Variants in ANXA6 observed in about 807,000 individuals in gnomAD.
ANXA6 encodes annexin A6.
ANXA6 carries 71 observed loss-of-function variants against 95.4 expected under a neutral mutation model. The ratio of observed to expected loss-of-function variants is 0.74; its 90% confidence interval spans 0.61 to 0.91. The LOEUF (loss-of-function observed/expected upper bound fraction) is 0.91. Ranked by LOEUF, ANXA6 falls within the 40% of genes least tolerant of loss-of-function variation. The pLI, the probability that ANXA6 is intolerant of heterozygous loss-of-function variation, is 0.00. For missense variants in ANXA6, 830 were observed against 876.4 expected, an observed-to-expected ratio of 0.95 and a Z score of 0.67; for synonymous variants, 289 against 315.9, an observed-to-expected ratio of 0.91 and a Z score of 0.90.
rs2113885342 is a variant in ANXA6 at position 151,101,514 on chromosome 5, GAGGCAGAGAGCAGA to G, written c.1963-21_1963-8del. 6.4e-7 allele frequency: 1 copy of G among 1,557,926 alleles called. No individual in the cohort carries two copies. The highest frequency in any genetic ancestry group is 1.4e-5 in the African/African-American group (1 of 73,350). The stretch of plus-strand genomic sequence containing the variant: ...AGTCTCCGGAGGTGTCACCCTGGCA[GAGGCAGAGAGCAGA>G]GTGAGTGAAAACAGTCCTTCCAGTC... On this transcript the variant is annotated splice_polypyrimidine_tract_variant and splice_region_variant and intron_variant, in intron 25 of 25. Coordinates refer to ENST00000354546, the MANE Select transcript of ANXA6 (RefSeq NM_001155.5).
intron 15 of ANXA6, among the ~76,000 whole-genome samples, 159 bp from the exon 16 acceptor site, chr5:151,123,170 C>T (rs1765221477): frequency 1.3e-5 from 2 of 152,204 alleles, no homozygotes; most frequent in South Asian, 4.1e-4. Context: ...GCCTATGGCT[C>T]AGGCCACTGA....
At chr5:151,103,347 T>A (rs1375846026) in intron 25 of ANXA6, among the ~76,000 whole-genome samples, 2 of 152,170 alleles carry the variant, frequency 1.3e-5, no homozygotes, top group Non-Finnish European at 2.9e-5. Flanking sequence ...AAGCAAAAAA[T>A]GGGCTCTTGT....
intron 1 of ANXA6, among the ~76,000 whole-genome samples, chr5:151,153,734 A>G (rs1352896233): frequency 6.6e-6 from 1 of 152,196 alleles, no homozygotes; most frequent in Admixed American, 6.5e-5. Flanking sequence ...TAAAGGTCCA[A>G]TTGATTTCCC....
At chr5:151,129,959 C>A (rs1267988077) in intron 11 of ANXA6, among the ~76,000 whole-genome samples, 1 of 152,184 alleles carries the variant, frequency 6.6e-6, no homozygotes, top group East Asian at 1.9e-4. Flanking sequence ...GCCTTGGCCT[C>A]CCAAAATGCT....
chr5:151,110,164 C>T (rs1044187827), intron 21 of ANXA6, among the ~76,000 whole-genome samples: 2 of 152,138 alleles, frequency 1.3e-5, no homozygotes, highest in African/African-American at 4.8e-5. Context: ...CTGGGAGTTC[C>T]CCTTCCATCC....
chr5:151,103,100 G>A (rs1020849606), intron 25 of ANXA6, among the ~76,000 whole-genome samples: 1 of 152,106 alleles, frequency 6.6e-6, no homozygotes, highest in Non-Finnish European at 1.5e-5. Context: ...GGGTTCAAGC[G>A]ATTCTCTTGC....
chr5:151,132,577 TCAGA>T lies in ANXA6; in HGVS notation c.641-10_641-7del, dbSNP rs1015177585. 11 of 1,610,946 alleles carry T rather than the reference TCAGA, an allele frequency of 6.8e-6. No individual in the cohort carries two copies. The African/African-American group carries it at 1.2e-4, about 18-fold the overall frequency. Reference sequence around the variant, plus strand: ...CTTCAGATACTCATCGAACACTGCGTCAGACAGAGAGACAGGGAGGTTTGAGAGT... The same window carrying T: ...CTTCAGATACTCATCGAACACTGCGTCAGAGAGACAGGGAGGTTTGAGAGT... On this transcript the variant is annotated splice_region_variant and splice_polypyrimidine_tract_variant and intron_variant, in intron 9 of 25. Transcript: ENST00000354546.
chr5:151,126,205 G>T (rs1302893793), intron 14 of ANXA6, among the ~76,000 whole-genome samples, 197 bp downstream of exon 14: 1 of 152,184 alleles, frequency 6.6e-6, no homozygotes, highest in East Asian at 1.9e-4. Flanking sequence ...TTTCCAGCGT[G>T]TCAGAAGCTA....
At chr5:151,156,203 C>T (rs1766232935) in intron 1 of ANXA6, among the ~76,000 whole-genome samples, 1 of 152,242 alleles carries the variant, frequency 6.6e-6, no homozygotes. Context: ...CCTGCCCTCC[C>T]CAGTCCCATC....
chr5:151,134,007 A>G (rs1314201201), intron 8 of ANXA6, among the ~76,000 whole-genome samples: 1 of 152,182 alleles, frequency 6.6e-6, no homozygotes. Context: ...GCTGGCATGT[A>G]CTGGGTACTC....
intron 22 of ANXA6, among the ~76,000 whole-genome samples, 195 bp from the exon 23 acceptor site, chr5:151,108,745 G>A (rs1052979081): frequency 2.6e-5 from 4 of 152,230 alleles, no homozygotes; most frequent in African/African-American, 4.8e-5. Flanking sequence ...CAAGGCTGCC[G>A]TGGGCTCAGA....
chr5:151,120,537 T>C (rs915614434), intron 17 of ANXA6, among the ~76,000 whole-genome samples: 2 of 151,002 alleles, frequency 1.3e-5, no homozygotes, highest in Non-Finnish European at 1.5e-5. Flanking sequence ...GCAAACATGG[T>C]GAAACCCCTT....
rs185895001 is a variant in ANXA6 at position 151,132,348 on chromosome 5, C to T, written c.736+128G>A. 2.6e-5 allele frequency: 19 copies of T among 744,314 alleles called. No homozygotes were observed. The Admixed American group carries it at 3.4e-4, about 13-fold the overall frequency. 46.1% of individuals were successfully genotyped at this position (744,314 alleles called of 1,614,324 possible). A position where few individuals can be genotyped will look rare whatever the true frequency, so the allele number is the denominator to read the frequency against. ...GCCCTGGAGAAACCTTTAGAATTCA[C>T]GGCCCACATGGTTTTCTCCTTCCCA... On this transcript the variant is annotated intron_variant, in intron 10 of 25. Transcript: ENST00000354546.
chr5:151,101,684 CT>C (rs1764555935), intron 25 of ANXA6, among the ~76,000 whole-genome samples, 177 bp from the exon 26 acceptor site: 1 of 152,182 alleles, frequency 6.6e-6, no homozygotes, highest in South Asian at 2.1e-4. Context: ...GACCACGTCC[CT>C]TTTGTTTATC....
At chr5:151,133,389 T>A (rs764946005) in intron 8 of ANXA6, 163 of 554,420 alleles carry the variant, frequency 2.9e-4, no homozygotes, top group Middle Eastern at 4.9e-4. Context: ...GACTTTGCCA[T>A]TGTGTGATCA....
At chr5:151,114,271 G>A (rs1202207406) in intron 20 of ANXA6, among the ~76,000 whole-genome samples, 1 of 152,068 alleles carries the variant, frequency 6.6e-6, no homozygotes, top group Non-Finnish European at 1.5e-5. Flanking sequence ...CTTTAAATGG[G>A]TCAATAGTGG....
chr5:151,103,565 C>T lies in ANXA6; in HGVS notation c.1962+5G>A, dbSNP rs1764608069. ...TTCCTGCTAACCTCTAGCCCCTCCCCTTACCTCAATGGCTTGGTGGAGAGA... is the reference window on the plus strand; with the variant it reads ...TTCCTGCTAACCTCTAGCCCCTCCCTTTACCTCAATGGCTTGGTGGAGAGA... On this transcript the variant is annotated splice_donor_5th_base_variant and intron_variant, in intron 25 of 25. Transcript: ENST00000354546. 6.2e-7 allele frequency: 1 copy of T among 1,612,216 alleles called. No homozygotes were observed. The highest frequency in any genetic ancestry group is 8.5e-7 in the Non-Finnish European group (1 of 1,179,086).
At chr5:151,102,618 T>C (rs1764579879) in intron 25 of ANXA6, among the ~76,000 whole-genome samples, 2 of 152,082 alleles carry the variant, frequency 1.3e-5, no homozygotes, top group South Asian at 4.1e-4. Flanking sequence ...GCAGGAGAAT[T>C]GCTTAAACCC....
chr5:151,153,367 A>G (rs1257333380), intron 1 of ANXA6, among the ~76,000 whole-genome samples: 1 of 152,208 alleles, frequency 6.6e-6, no homozygotes, highest in Non-Finnish European at 1.5e-5. Flanking sequence ...GGTAATTTCT[A>G]AAAACTTTCC....
Sources: gnomAD v4.1 joint callset for allele counts (sites outside exome capture counted in the v4.1 genomes callset) on GRCh38, gnomAD v4.1.1 for gene constraint, MANE v1.5 for transcripts, NCBI Gene and HGNC (gene_info 2026-07-23, HGNC 2026-07-21) for gene names.